Variants in DOK6 observed in about 807,000 individuals in gnomAD.
DOK6 encodes the protein docking protein 6, also known as downstream of tyrosine kinase 6.
In DOK6, 22 loss-of-function variants were observed where a neutral mutation model predicts 44.0. The ratio of observed to expected loss-of-function variants is 0.50; its 90% CI spans 0.36 to 0.71. The LOEUF (loss-of-function observed/expected upper bound fraction) is 0.71, where lower values mean the gene tolerates loss of function less well. Among genes scored for constraint, DOK6 ranks in the 30% least tolerant of loss-of-function variants. The probability of loss-of-function intolerance (pLI) is 0.00; values close to 1 mark genes in which losing one functional copy is unlikely to be tolerated. For missense variants in DOK6, 340 were observed against 416.4 expected (o/e 0.82, Z 1.60); for synonymous variants, 166 against 145.5 (o/e 1.14, Z -1.01).
At chr18:69,530,199 C>A (rs17187557) in intron 1 of DOK6, among the ~76,000 whole-genome samples, 4,564 of 152,182 alleles carry the variant, frequency 0.03, 82 homozygotes, top group Middle Eastern at 0.048. Flanking sequence ...TCTCTGATTC[C>A]AAGGCACACT....
At chr18:69,465,690 T>C (rs1281098749) in intron 1 of DOK6, among the ~76,000 whole-genome samples, 1 of 152,126 alleles carries the variant, frequency 6.6e-6, no homozygotes, top group Non-Finnish European at 1.5e-5. Context: ...CCACATTTTC[T>C]TAATCCAGTC....
chr18:69,727,272 A>G (rs996851997), intron 5 of DOK6, among the ~76,000 whole-genome samples: 2 of 152,194 alleles, frequency 1.3e-5, no homozygotes, highest in African/African-American at 4.8e-5. Context: ...TAGGGTTTCA[A>G]CACGTGAGTT....
intron 3 of DOK6, among the ~76,000 whole-genome samples, chr18:69,614,653 A>G (rs537194014): frequency 6.6e-6 from 1 of 152,184 alleles, no homozygotes; most frequent in East Asian, 1.9e-4. Context: ...TGTGGCGTAG[A>G]AACTGTAAAT....
At chr18:69,615,425 T>A (rs966343236) in intron 3 of DOK6, among the ~76,000 whole-genome samples, 2 of 152,240 alleles carry the variant, frequency 1.3e-5, no homozygotes, top group African/African-American at 4.8e-5. Context: ...TATTTCTAGC[T>A]GACTCAAGTC....
chr18:69,764,415 G>A (rs909514623), intron 7 of DOK6, among the ~76,000 whole-genome samples: 3 of 152,136 alleles, frequency 2.0e-5, no homozygotes, highest in African/African-American at 7.2e-5. Flanking sequence ...TGTTGGGGGA[G>A]GGACCTCATG....
In DOK6 at chr18:69,744,925, T is replaced by TAAA. The variant is rs58133144; in HGVS notation, c.738+5842_738+5844dup. 2.0e-3 allele frequency among the ~76,000 whole-genome samples: 177 copies of TAAA among 89,154 alleles called. 1 individual carries two copies. The highest frequency in any genetic ancestry group is 0.012 in the East Asian group (36 of 3,070). 58.5% of individuals were successfully genotyped at this position (89,154 alleles called of 152,430 possible). A position where few individuals can be genotyped will look rare whatever the true frequency, so the allele number is the denominator to read the frequency against. On this transcript the variant is annotated intron_variant, in intron 6 of 7. Transcript: ENST00000382713. Reference sequence around the variant, plus strand: ...TGGGTAACAGTAGCAACACTCCATCTAAAAAAAAAAAAAAAAAAAAAACAC... The same window carrying TAAA: ...TGGGTAACAGTAGCAACACTCCATCTAAAAAAAAAAAAAAAAAAAAAAAAACAC...
At chr18:69,558,079 A>G (rs1222362534) in intron 1 of DOK6, among the ~76,000 whole-genome samples, 1 of 152,182 alleles carries the variant, frequency 6.6e-6, no homozygotes, top group Non-Finnish European at 1.5e-5. Context: ...CAAGCAAAAT[A>G]AAACCTATTC....
chr18:69,739,785 T>A (rs1264015989), intron 6 of DOK6, among the ~76,000 whole-genome samples: 1 of 152,186 alleles, frequency 6.6e-6, no homozygotes, highest in Non-Finnish European at 1.5e-5. Flanking sequence ...GAGATGAGTA[T>A]TGTTTTTTCT....
At chr18:69,693,737 C>G (rs998914565) in intron 4 of DOK6, among the ~76,000 whole-genome samples, 1 of 152,058 alleles carries the variant, frequency 6.6e-6, no homozygotes, top group Admixed American at 6.6e-5. Context: ...AGACTCACAG[C>G]TATACTTGGA....
chr18:69,642,913 A>T (rs1201327633), intron 3 of DOK6, among the ~76,000 whole-genome samples: 1 of 152,216 alleles, frequency 6.6e-6, no homozygotes, highest in Non-Finnish European at 1.5e-5. Context: ...GTACCTATTA[A>T]TGAACCTTGC....
At chr18:69,475,794 A>G (rs1267881405) in intron 1 of DOK6, among the ~76,000 whole-genome samples, 1 of 152,246 alleles carries the variant, frequency 6.6e-6, no homozygotes, top group Non-Finnish European at 1.5e-5. Flanking sequence ...ATTTCATTCT[A>G]TTAGACACAA....
intron 4 of DOK6, among the ~76,000 whole-genome samples, chr18:69,689,974 TATA>T (rs1377259501): frequency 2.6e-5 from 4 of 152,156 alleles, no homozygotes; most frequent in African/African-American, 9.6e-5. Context: ...ATACTTTCAG[TATA>T]ATAATTGTGT....
rs117448016 is a variant in DOK6 at position 69,520,877 on chromosome 18, T to C, written c.67-43610T>C. Among the ~76,000 whole-genome samples the C allele has an allele frequency of 4.6e-3, 693 of 152,002 alleles. 6 individuals carry two copies. The highest frequency in any genetic ancestry group is 8.4e-3 in the Non-Finnish European group (568 of 67,820). On this transcript the variant is annotated intron_variant, in intron 1 of 7. Coordinates refer to ENST00000382713, the MANE Select transcript of DOK6 (RefSeq NM_152721.6). The stretch of plus-strand genomic sequence containing the variant: ...AGTTCCGTTCACATCTATGAAATAT[T>C]CTAGGCTCTACCTAAATAGTTTGAG...
intron 4 of DOK6, among the ~76,000 whole-genome samples, 154 bp from the exon 5 acceptor site, chr18:69,698,250 G>A (rs148587655): frequency 6.6e-6 from 1 of 152,134 alleles, no homozygotes; most frequent in Non-Finnish European, 1.5e-5. Context: ...TACAAATTTT[G>A]AAATATGTCA....
At chr18:69,420,839 C>T (rs1978472059) in intron 1 of DOK6, among the ~76,000 whole-genome samples, 1 of 152,168 alleles carries the variant, frequency 6.6e-6, no homozygotes, top group Admixed American at 6.6e-5. Flanking sequence ...TAGACTAGGA[C>T]ATGATACCCT....
At chr18:69,543,475 A>G (rs10871644) in intron 1 of DOK6, among the ~76,000 whole-genome samples, 36,175 of 151,214 alleles carry the variant, frequency 0.24, 5,879 homozygotes, top group East Asian at 0.62. Context: ...TTTCAACTAC[A>G]TCTCTATTTT....
intron 1 of DOK6, among the ~76,000 whole-genome samples, chr18:69,559,173 A>C (rs1179390315): frequency 6.6e-6 from 1 of 152,158 alleles, no homozygotes; most frequent in Non-Finnish European, 1.5e-5. Context: ...AACAATATTG[A>C]GTGCCTACAT....
At chr18:69,694,562 G>GGA (rs1380439611) in intron 4 of DOK6, among the ~76,000 whole-genome samples, 5 of 151,084 alleles carry the variant, frequency 3.3e-5, no homozygotes, top group Non-Finnish European at 1.5e-5. Flanking sequence ...AGCTAATATG[G>GGA]GACTCTAAAT....
At chr18:69,770,522 A>G (rs538001842) in intron 7 of DOK6, among the ~76,000 whole-genome samples, 61 of 152,210 alleles carry the variant, frequency 4.0e-4, no homozygotes, top group African/African-American at 1.4e-3. Context: ...GACAACCCAG[A>G]TGGAAGCCAT....
Sources: allele counts gnomAD v4.1 joint callset (sites outside exome capture counted in the v4.1 genomes callset), GRCh38; gene constraint gnomAD v4.1.1; transcripts MANE v1.5; gene names NCBI Gene and HGNC (gene_info 2026-07-23, HGNC 2026-07-21).